Variants in SMC6 observed in about 807,000 individuals in gnomAD.
SMC6 encodes structural maintenance of chromosomes 6, also known as structural maintenance of chromosomes protein 6.
A neutral mutation model predicts 142.2 loss-of-function variants in SMC6; 79 were observed. The ratio of observed to expected loss-of-function variants is 0.56; its 90% CI spans 0.46 to 0.67. SMC6 has a LOEUF of 0.67. Among genes scored for constraint, SMC6 ranks in the 30% least tolerant of loss-of-function variants. The pLI is 0.00. For missense variants in SMC6, 1,072 were observed against 1,284.0 expected (o/e 0.83, Z 2.52); for synonymous variants, 411 against 412.4 (o/e 1.00, Z 0.04).
intron 26 of SMC6, among the ~76,000 whole-genome samples, chr2:17,669,697 G>A (rs1036902506): frequency 6.6e-6 from 1 of 152,156 alleles, no homozygotes. Flanking sequence ...AACAAGTTTT[G>A]CTAGAGTAGT....
chr2:17,730,121 G>C (rs568720970), intron 7 of SMC6, among the ~76,000 whole-genome samples: 10 of 152,296 alleles, frequency 6.6e-5, no homozygotes, highest in African/African-American at 9.6e-5. Context: ...CGTCTAGACA[G>C]CCTTAAGTAT....
At chr2:17,684,033 G>A (rs1004868749) in intron 23 of SMC6, among the ~76,000 whole-genome samples, 2 of 152,262 alleles carry the variant, frequency 1.3e-5, no homozygotes, top group Admixed American at 6.5e-5. Context: ...GCCCTGGTAC[G>A]GCCTAGAGGT....
At chr2:17,678,726 T>C in intron 25 of SMC6, 133 bp downstream of exon 25, 2 of 626,262 alleles carry the variant, frequency 3.2e-6, no homozygotes, top group South Asian at 4.7e-5. Context: ...CAGTGAGCTA[T>C]GATTGTACCA....
rs111633130 is a variant in SMC6, at chr2:17,678,730, T to C, written c.2910+129A>G. The C allele has an allele frequency of 2.8e-3, 1,792 of 642,392 alleles. 36 individuals are homozygous for C. The African/African-American group carries it at 0.03, about 11-fold the overall frequency. The allele number at this position is 642,392 out of a possible 1,614,324, so 39.8% of individuals were successfully genotyped here. On this transcript the variant is annotated intron_variant, in intron 25 of 27. Transcript: ENST00000448223. ...GTTCAAGGTTACAGTGAGCTATGATTGTACCACTGCACTCCAGCCTGGGCA... is the reference window on the plus strand; with the variant it reads ...GTTCAAGGTTACAGTGAGCTATGATCGTACCACTGCACTCCAGCCTGGGCA...
intron 26 of SMC6, among the ~76,000 whole-genome samples, chr2:17,669,388 T>C (rs1449768256): frequency 1.3e-5 from 2 of 152,096 alleles, no homozygotes; most frequent in South Asian, 2.1e-4. Context: ...TATCTGTCCA[T>C]ACGCAGGTAG....
chr2:17,703,442 T>C, intron 18 of SMC6, 150 bp from the exon 19 acceptor site: 1 of 620,040 alleles, frequency 1.6e-6, no homozygotes, highest in Non-Finnish European at 2.6e-6. Context: ...TACCAAGCTA[T>C]TAATCATGAA....
chr2:17,741,783 C>A, intron 3 of SMC6, 54 bp from the exon 4 acceptor site: 1 of 1,194,646 alleles, frequency 8.4e-7, no homozygotes, highest in Non-Finnish European at 1.2e-6. Context: ...CTCATTATAA[C>A]CATTCAAGCA....
Position 17,664,385 on chromosome 2 carries a change from A to G in SMC6, c.*1114T>C, listed in dbSNP as rs1666401765. 1 of 152,222 alleles carries G rather than the reference A, an allele frequency of 6.6e-6. No homozygotes were observed. Among genetic ancestry groups the G allele is most frequent in the African/African-American group, 2.4e-5 (1 of 41,462 alleles). 9.4% of individuals were successfully genotyped at this position (152,222 alleles called of 1,614,324 possible). On this transcript the variant is annotated 3_prime_UTR_variant, in exon 28 of 28. Transcript: ENST00000448223. ...CAAAGTCCAGTTTTCCTCAATAACTAGAGAACAGTCCCTGCTCTTAATATA... is the reference window on the plus strand; with the variant it reads ...CAAAGTCCAGTTTTCCTCAATAACTGGAGAACAGTCCCTGCTCTTAATATA...
chr2:17,727,460 TTG>T (rs1190596901), intron 7 of SMC6, among the ~76,000 whole-genome samples: 2 of 151,984 alleles, frequency 1.3e-5, no homozygotes, highest in Non-Finnish European at 2.9e-5. Flanking sequence ...AGACAGCCTA[TTG>T]TGGGACCTTG....
intron 7 of SMC6, among the ~76,000 whole-genome samples, chr2:17,730,769 ATTTTTTT>A (rs753341570): frequency 2.9e-5 from 4 of 139,176 alleles, no homozygotes; most frequent in Non-Finnish European, 6.3e-5. Flanking sequence ...CACCCAGCTA[ATTTTTTT>A]TTTTTTTTTG....
chr2:17,670,037 AAC>A (rs1364368588), intron 26 of SMC6, among the ~76,000 whole-genome samples: 1 of 152,214 alleles, frequency 6.6e-6, no homozygotes, highest in Non-Finnish European at 1.5e-5. Flanking sequence ...AGGAACAGTA[AAC>A]AGTGGCTAGG....
intron 6 of SMC6, 23 bp from the exon 7 acceptor site, chr2:17,731,162 A>G: frequency 6.4e-7 from 1 of 1,554,952 alleles, no homozygotes; most frequent in Non-Finnish European, 8.8e-7. Context: ...AACATATGAA[A>G]TAACCAAACT....
intron 4 of SMC6, among the ~76,000 whole-genome samples, chr2:17,739,865 C>G (rs1041154854): frequency 1.0e-4 from 14 of 134,024 alleles, no homozygotes; most frequent in East Asian, 2.8e-4. Context: ...CACACACACA[C>G]AGAGAATATG....
intron 4 of SMC6, among the ~76,000 whole-genome samples, chr2:17,739,508 G>A (rs1426482331): frequency 6.6e-6 from 1 of 152,026 alleles, no homozygotes. Context: ...AGCTGGGAGT[G>A]GTGGTGCACA....
chr2:17,750,593 C>T (rs948392413), intron 2 of SMC6, among the ~76,000 whole-genome samples: 1 of 152,206 alleles, frequency 6.6e-6, no homozygotes. Flanking sequence ...ACCTCTTTAA[C>T]GCCCAGGTTC....
Position 17,702,255 on chromosome 2 carries a change from C to T in SMC6, c.2143-346G>A, listed in dbSNP as rs562107726. On this transcript the variant is annotated intron_variant, in intron 19 of 27. Transcript: ENST00000448223. ...ATCCAGTGGTTTTCAAAATATGATC[C>T]AAGTAAGCTGTGGGGGTTTCTGATA... is the stretch of plus-strand genomic sequence containing the variant. Among the ~76,000 whole-genome samples, 148 of 152,202 alleles carry T rather than the reference C, an allele frequency of 9.7e-4. 1 individual carries two copies. Among genetic ancestry groups the T allele is most frequent in the African/African-American group, 3.5e-3 (144 of 41,534 alleles).
chr2:17,707,997 T>TAC (rs10540609), intron 17 of SMC6, among the ~76,000 whole-genome samples: 2,470 of 148,558 alleles, frequency 0.017, 49 homozygotes, highest in Admixed American at 0.069. Flanking sequence ...TGTATATATA[T>TAC]ACACACACAC....
intron 21 of SMC6, among the ~76,000 whole-genome samples, chr2:17,699,005 C>T (rs186131420): frequency 2.5e-4 from 38 of 152,160 alleles, no homozygotes; most frequent in Admixed American, 2.0e-3. Context: ...TAAATACCTC[C>T]TCTACATACA....
At chr2:17,749,517 G>A (rs1399500452) in intron 2 of SMC6, among the ~76,000 whole-genome samples, 7 of 152,116 alleles carry the variant, frequency 4.6e-5, no homozygotes, top group Admixed American at 6.5e-5. Flanking sequence ...GTGAAACCCC[G>A]TCTCTACTAA....
Sources: allele counts gnomAD v4.1 joint callset (sites outside exome capture counted in the v4.1 genomes callset), GRCh38; gene constraint gnomAD v4.1.1; transcripts MANE v1.5; gene names NCBI Gene and HGNC (gene_info 2026-07-23, HGNC 2026-07-21).